CFAP57: variants seen among roughly 807,000 people sequenced by gnomAD.
CFAP57 encodes the protein cilia- and flagella-associated protein 57.
Under a neutral mutation model 146.8 loss-of-function variants are expected in CFAP57, and 116 were observed. That is an observed-to-expected ratio of 0.79 (90% confidence interval 0.68 to 0.92). The LOEUF (loss-of-function observed/expected upper bound fraction) is 0.92. Among genes scored for constraint, CFAP57 ranks in the 40% least tolerant of loss-of-function variants. The pLI is 0.00. For missense variants in CFAP57, 1,377 were observed against 1,527.2 expected (o/e 0.90, Z 1.64); for synonymous variants, 518 against 552.8 (o/e 0.94, Z 0.88).
rs1646384500 is a variant in CFAP57 at position 43,254,101 on chromosome 1, A to C, written c.3663A>C (p.Gln1221His). 1 of 1,550,592 alleles carries C rather than the reference A, an allele frequency of 6.4e-7. No individual in the cohort carries two copies. Among genetic ancestry groups the C allele is most frequent in the African/African-American group, 1.4e-5 (1 of 73,032 alleles). Reference protein sequence around the residue: ...IQRLRDQIQEQEQVTGFHTLA... With the variant: ...IQRLRDQIQEHEQVTGFHTLA... The stretch of plus-strand genomic sequence containing the variant: ...GCCTCAGAGACCAGATCCAAGAGCA[A>C]GAGCAGGTCACAGGGTTCCACACCC... The change falls in exon 23 of 23, where the codon CAA (glutamine) becomes CAC (histidine). Residue 1221 changes from glutamine (Q) to histidine (H), a missense_variant. Transcript: ENST00000372492.
intron 13 of CFAP57, 53 bp downstream of exon 13, chr1:43,219,590 C>A: frequency 6.5e-7 from 1 of 1,542,600 alleles, no homozygotes; most frequent in Non-Finnish European, 8.8e-7. Flanking sequence ...TTTCCACTTT[C>A]AAGACAGGAC....
At chr1:43,220,425 A>G (rs1644999616) in intron 13 of CFAP57, among the ~76,000 whole-genome samples, 1 of 152,036 alleles carries the variant, frequency 6.6e-6, no homozygotes, top group Non-Finnish European at 1.5e-5. Flanking sequence ...ACAAATCTGG[A>G]CTCCTATCTA....
rs1390604537 is a variant in CFAP57, at chr1:43,254,119, C to T, written c.3681C>T (p.Phe1227=). The T allele has an allele frequency of 6.4e-7, 1 of 1,550,738 alleles. No individual in the cohort carries two copies. The highest frequency in any genetic ancestry group is 2.0e-5 in the Admixed American group (1 of 51,008). The part of the protein sequence containing the change: ...QIQEQEQVTG[F]HTLAGVRLPS... ...AAGAGCAAGAGCAGGTCACAGGGTTCCACACCCTCGCTGGAGTTCGGCTTC... is the reference window on the plus strand; with the variant it reads ...AAGAGCAAGAGCAGGTCACAGGGTTTCACACCCTCGCTGGAGTTCGGCTTC... The change falls in exon 23 of 23, where the codon TTC becomes TTT. Residue 1227 remains phenylalanine (F), a synonymous_variant. Coordinates refer to ENST00000372492, the MANE Select transcript of CFAP57 (RefSeq NM_001378189.1).
At chr1:43,182,306 G>C (rs1645447123) in intron 3 of CFAP57, among the ~76,000 whole-genome samples, 1 of 152,204 alleles carries the variant, frequency 6.6e-6, no homozygotes, top group Non-Finnish European at 1.5e-5. Context: ...GTAAGGAACA[G>C]AACCTTCTAT....
chr1:43,245,152 T>C (rs1214365071), intron 22 of CFAP57, among the ~76,000 whole-genome samples: 1 of 151,634 alleles, frequency 6.6e-6, no homozygotes, highest in Non-Finnish European at 1.5e-5. Context: ...CTACAAAAAA[T>C]ACAAAAATCA....
intron 12 of CFAP57, among the ~76,000 whole-genome samples, chr1:43,218,018 G>A (rs559989888): frequency 1.1e-4 from 16 of 152,266 alleles, no homozygotes; most frequent in Admixed American, 5.2e-4. Flanking sequence ...CGTGCAATTT[G>A]TGCTTATCCT....
At chr1:43,214,577 CA>C (rs1644763084) in intron 11 of CFAP57, among the ~76,000 whole-genome samples, 1 of 152,066 alleles carries the variant, frequency 6.6e-6, no homozygotes, top group Non-Finnish European at 1.5e-5. Context: ...CTGCTGTGAC[CA>C]ATCATATACA....
intron 19 of CFAP57, 148 bp from the exon 20 acceptor site, chr1:43,234,131 C>T: frequency 1.1e-6 from 1 of 948,006 alleles, no homozygotes; most frequent in Non-Finnish European, 1.5e-6. Context: ...GTCTAAGTTT[C>T]TATGCCCAGT....
chr1:43,218,080 A>G (rs1644905469), intron 12 of CFAP57, among the ~76,000 whole-genome samples: 1 of 152,222 alleles, frequency 6.6e-6, no homozygotes, highest in Non-Finnish European at 1.5e-5. Context: ...CTGGCCAGGA[A>G]TGCAGAAATG....
chr1:43,245,306 G>A (rs936949463), intron 22 of CFAP57, among the ~76,000 whole-genome samples: 3 of 141,756 alleles, frequency 2.1e-5, no homozygotes, highest in African/African-American at 8.0e-5. Flanking sequence ...CAGTCTAGGT[G>A]ACAGAGCAAG....
At chr1:43,228,314 A>C (rs1178876577) in intron 18 of CFAP57, among the ~76,000 whole-genome samples, 1 of 152,228 alleles carries the variant, frequency 6.6e-6, no homozygotes, top group Non-Finnish European at 1.5e-5. Context: ...CTCTTCCCCC[A>C]GATCGCCACA....
rs114736031 is a variant in CFAP57 at position 43,238,337 on chromosome 1, C to G, written c.3405+3699C>G. Among the ~76,000 whole-genome samples, 1,465 of 152,298 alleles carry G rather than the reference C, an allele frequency of 9.6e-3. 25 individuals are homozygous for G. The highest frequency in any genetic ancestry group is 0.034 in the African/African-American group (1,411 of 41,544). ...TCAATACGGAGGTCGGAAAGACCTG[C>G]CAGGGTCATCAGTCAGTTCCAAAGG... On this transcript the variant is annotated intron_variant, in intron 21 of 22. Coordinates refer to ENST00000372492, the MANE Select transcript of CFAP57 (RefSeq NM_001378189.1). This position sits in a 1 kb window ranked among gnomAD's most constrained non-coding sequence, Gnocchi z 4.3.
intron 18 of CFAP57, among the ~76,000 whole-genome samples, chr1:43,228,282 G>T (rs1645333690): frequency 6.6e-6 from 1 of 152,230 alleles, no homozygotes; most frequent in South Asian, 2.1e-4. Context: ...CCTCTGCAGT[G>T]CTGCTGCCTC....
intron 22 of CFAP57, among the ~76,000 whole-genome samples, chr1:43,253,332 G>C (rs923340751): frequency 3.9e-5 from 6 of 152,374 alleles, no homozygotes; most frequent in Admixed American, 2.6e-4. Flanking sequence ...AACAGTGCTA[G>C]AGTGAAAGAC....
intron 10 of CFAP57, among the ~76,000 whole-genome samples, chr1:43,208,154 G>A (rs1644435805): frequency 6.6e-6 from 1 of 152,164 alleles, no homozygotes; most frequent in South Asian, 2.1e-4. Context: ...GAAACAACAG[G>A]TGCTGGAGAG....
At chr1:43,172,510 G>C in intron 1 of CFAP57, 57 bp downstream of exon 1, 1 of 1,424,998 alleles carries the variant, frequency 7.0e-7, no homozygotes, top group Admixed American at 2.2e-5. Context: ...AGGGTACAAA[G>C]GAAAAGGCAG....
At chr1:43,211,783 A>G (rs1471636116) in intron 11 of CFAP57, among the ~76,000 whole-genome samples, 1 of 145,942 alleles carries the variant, frequency 6.9e-6, no homozygotes, top group Non-Finnish European at 1.5e-5. Flanking sequence ...TAGCTACACA[A>G]ATATCCTATC....
chr1:43,229,215 CG>C lies in CFAP57; in HGVS notation c.3009+2092del, dbSNP rs1372284259. Among the ~76,000 whole-genome samples, 4 of 149,058 alleles carry C rather than the reference CG, an allele frequency of 2.7e-5. 1 individual carries two copies. Among genetic ancestry groups the C allele is most frequent in the African/African-American group, 5.0e-5 (2 of 39,968 alleles). On this transcript the variant is annotated intron_variant, in intron 18 of 22. Coordinates refer to ENST00000372492, the MANE Select transcript of CFAP57 (RefSeq NM_001378189.1). ...CACATTTGTCAGCTGCATTTCAGGT[CG>C]GGTCCGTTGTTTGCTAATGGTCAGC... is the stretch of plus-strand genomic sequence containing the variant.
chr1:43,184,270 C>A (rs765141264), intron 4 of CFAP57, among the ~76,000 whole-genome samples: 1 of 152,124 alleles, frequency 6.6e-6, no homozygotes, highest in Non-Finnish European at 1.5e-5. Context: ...TATAATTCAG[C>A]AGGAGGCGAC....
Sources: allele counts gnomAD v4.1 joint callset (sites outside exome capture counted in the v4.1 genomes callset), GRCh38; gene constraint gnomAD v4.1.1; non-coding constraint Gnocchi (gnomAD v3.1); transcripts MANE v1.5; gene names NCBI Gene and HGNC (gene_info 2026-07-23, HGNC 2026-07-21).